Variants in FAR1 observed in about 807,000 individuals in gnomAD.
FAR1 encodes male sterility domain-containing protein 2.
Under a neutral mutation model 61.1 loss-of-function variants are expected in FAR1, and 22 were observed. The ratio of observed to expected loss-of-function variants is 0.36; its 90% CI spans 0.26 to 0.51. The LOEUF (loss-of-function observed/expected upper bound fraction) is 0.51. Ranked by LOEUF, FAR1 falls within the 20% of genes least tolerant of loss-of-function variation. FAR1 has a pLI of 0.95. For synonymous variants in FAR1, 206 were observed against 209.7 expected (o/e 0.98, Z 0.15); for missense variants, 359 against 626.9 (o/e 0.57, Z 4.56).
chr11:13,679,435 C>T (rs1016548086), intron 1 of FAR1, among the ~76,000 whole-genome samples: 2 of 152,130 alleles, frequency 1.3e-5, no homozygotes, highest in East Asian at 1.9e-4. Flanking sequence ...TTTTCCCCCT[C>T]CAATTTCTCT....
intron 9 of FAR1, among the ~76,000 whole-genome samples, chr11:13,719,097 C>T (rs1341332030): frequency 6.6e-6 from 1 of 152,150 alleles, no homozygotes; most frequent in Non-Finnish European, 1.5e-5. Flanking sequence ...AAGTTATTTT[C>T]AACTCTCATT....
chr11:13,728,790 C>T lies in FAR1; in HGVS notation c.*16C>T. 6.2e-7 allele frequency: 1 copy of T among 1,604,924 alleles called. No individual in the cohort carries two copies. On this transcript the variant is annotated 3_prime_UTR_variant, in exon 12 of 12. Coordinates refer to ENST00000354817, the MANE Select transcript of FAR1 (RefSeq NM_032228.6). ...GAGATACTGAAGACCAAGGATTCAG[C>T]ATTAGAACATCTATACATATGGTGA...
chr11:13,706,517 A>G (rs1418301982), intron 3 of FAR1, among the ~76,000 whole-genome samples: 1 of 152,044 alleles, frequency 6.6e-6, no homozygotes, highest in Non-Finnish European at 1.5e-5. Context: ...TTAATTGACA[A>G]AGGTATATAT....
chr11:13,698,691 C>T lies in FAR1; in HGVS notation c.190-1626C>T, dbSNP rs527811460. ...TAAAAATACAGAAAAATTAGCTGGG[C>T]GTGGTGGCGGGCACCTGTAGTCCCA... is the stretch of plus-strand genomic sequence containing the variant. On this transcript the variant is annotated intron_variant, in intron 2 of 11. Transcript: ENST00000354817. Among the ~76,000 whole-genome samples, 10 of 152,032 alleles carry T rather than the reference C, an allele frequency of 6.6e-5. 1 individual carries two copies. The highest frequency in any genetic ancestry group is 6.8e-3 in the Middle Eastern group (2 of 292).
intron 1 of FAR1, among the ~76,000 whole-genome samples, chr11:13,682,418 G>C (rs1481140622): frequency 6.6e-6 from 1 of 152,056 alleles, no homozygotes; most frequent in Non-Finnish European, 1.5e-5. Flanking sequence ...AGTTTTATTG[G>C]AACACAGCCA....
chr11:13,725,316 C>T (rs1848658002), intron 10 of FAR1, among the ~76,000 whole-genome samples: 1 of 152,112 alleles, frequency 6.6e-6, no homozygotes. Flanking sequence ...TGTTAATCCA[C>T]ATCCTCCATA....
intron 1 of FAR1, among the ~76,000 whole-genome samples, chr11:13,684,046 T>C (rs1848159601): frequency 1.3e-5 from 2 of 152,198 alleles, no homozygotes; most frequent in Admixed American, 1.3e-4. Context: ...TCTATGTACT[T>C]TATTGCTTTG....
intron 9 of FAR1, chr11:13,719,996 T>C (rs1848593538): frequency 6.6e-6 from 1 of 152,258 alleles, no homozygotes; most frequent in African/African-American, 2.4e-5. Context: ...CAAGGAGTGA[T>C]GGTGCAAAGT....
rs539892366 is a variant in FAR1, at chr11:13,702,420, G to A, written c.365+1928G>A. Among the ~76,000 whole-genome samples, 3 of 151,932 alleles carry A rather than the reference G, an allele frequency of 2.0e-5. No homozygotes were observed. The East Asian group carries it at 5.8e-4, about 29-fold the overall frequency. ...GTAACACCTATAAGAAATCTTAAAG[G>A]GACTGATACCCTCATCAACTAACAA... On this transcript the variant is annotated intron_variant, in intron 3 of 11. Transcript: ENST00000354817.
intron 10 of FAR1, among the ~76,000 whole-genome samples, chr11:13,724,720 C>G (rs1157376778): frequency 1.3e-5 from 2 of 152,006 alleles, no homozygotes; most frequent in African/African-American, 2.4e-5. Context: ...ATATCAAAAA[C>G]CTAAAAATTA....
intron 1 of FAR1, among the ~76,000 whole-genome samples, chr11:13,677,545 C>A (rs1000991718): frequency 6.6e-6 from 1 of 152,162 alleles, no homozygotes; most frequent in Non-Finnish European, 1.5e-5. Context: ...TCATTGACAT[C>A]CAGGTTCAAA....
At chr11:13,692,649 C>T (rs1414556355) in intron 1 of FAR1, among the ~76,000 whole-genome samples, 1 of 152,040 alleles carries the variant, frequency 6.6e-6, no homozygotes, top group Non-Finnish European at 1.5e-5. Flanking sequence ...CATTTTTTCT[C>T]CATATAAACC....
At chr11:13,718,789 G>A (rs1848579854) in intron 9 of FAR1, among the ~76,000 whole-genome samples, 1 of 152,182 alleles carries the variant, frequency 6.6e-6, no homozygotes, top group African/African-American at 2.4e-5. Flanking sequence ...TAGTCAGACA[G>A]GGACTGGAGG....
chr11:13,671,976 T>C (rs551794502), intron 1 of FAR1, among the ~76,000 whole-genome samples: 1 of 152,204 alleles, frequency 6.6e-6, no homozygotes, highest in African/African-American at 2.4e-5. Context: ...ATACACTGTT[T>C]AGAGAAACCT....
intron 9 of FAR1, among the ~76,000 whole-genome samples, chr11:13,716,122 T>A (rs1321062535): frequency 1.3e-5 from 2 of 152,200 alleles, no homozygotes; most frequent in African/African-American, 2.4e-5. Flanking sequence ...AAAATGCAGA[T>A]GTAAATTCAT....
At position 13,730,662 on chromosome 11, in the gene FAR1, T is replaced by C. The variant is rs1317725800; in HGVS notation, c.*1888T>C. The C allele has an allele frequency of 1.3e-4, 20 of 152,116 alleles. No individual in the cohort carries two copies. Among genetic ancestry groups the C allele is most frequent in the African/African-American group, 4.3e-4 (18 of 41,436 alleles). The allele number at this position is 152,116 out of a possible 1,614,324, so 9.4% of individuals were successfully genotyped here. A position where few individuals can be genotyped will look rare whatever the true frequency, so the allele number is the denominator to read the frequency against. ...CGAATAGACTTAGAATCAGATGAATTGTCTGTGTGTCTTGCAAAAGAGTTG... is the reference window on the plus strand; with the variant it reads ...CGAATAGACTTAGAATCAGATGAATCGTCTGTGTGTCTTGCAAAAGAGTTG... On this transcript the variant is annotated 3_prime_UTR_variant, in exon 12 of 12. Transcript: ENST00000354817.
intron 1 of FAR1, among the ~76,000 whole-genome samples, chr11:13,687,666 G>A (rs1172931492): frequency 6.6e-6 from 1 of 152,166 alleles, no homozygotes; most frequent in Non-Finnish European, 1.5e-5. Context: ...GAATGGGGAA[G>A]CCAAGAATAC....
intron 11 of FAR1, 76 bp downstream of exon 11, chr11:13,727,759 A>G (rs1190303582): frequency 3.8e-6 from 5 of 1,324,980 alleles, no homozygotes; most frequent in Admixed American, 2.3e-5. Context: ...GTAAACTGGT[A>G]TATTTGCTAT....
Position 13,731,285 on chromosome 11 carries a change from AT to A in FAR1, c.*2516del, listed in dbSNP as rs1848722964. 6.5e-6 allele frequency: 1 copy of A among 152,696 alleles called. No homozygotes were observed. Among genetic ancestry groups the A allele is most frequent in the Non-Finnish European group, 1.5e-5 (1 of 67,976 alleles). The allele number at this position is 152,696 out of a possible 1,614,324, so 9.5% of individuals were successfully genotyped here. A position where few individuals can be genotyped will look rare whatever the true frequency, so the allele number is the denominator to read the frequency against. On this transcript the variant is annotated 3_prime_UTR_variant, in exon 12 of 12. Coordinates refer to ENST00000354817, the MANE Select transcript of FAR1 (RefSeq NM_032228.6). ...GACTTAAGGATGGCATAAAATAATC[AT>A]TTTTGAACCTGTGTAATAAAGCTTG...
Sources: gnomAD v4.1 joint callset for allele counts (sites outside exome capture counted in the v4.1 genomes callset) on GRCh38, gnomAD v4.1.1 for gene constraint, MANE v1.5 for transcripts, NCBI Gene and HGNC (gene_info 2026-07-23, HGNC 2026-07-21) for gene names.